The following STAM variants were observed in gnomAD, a reference collection of about 807,000 sequenced individuals.
STAM encodes signal transducing adapter molecule 1.
Under a neutral mutation model 63.4 loss-of-function variants are expected in STAM, and 16 were observed. The ratio of observed to expected loss-of-function variants is 0.25; its 90% CI spans 0.17 to 0.38. The LOEUF is 0.38. Among genes scored for constraint, STAM ranks in the 10% least tolerant of loss-of-function variants. The pLI, the probability that STAM is intolerant of heterozygous loss-of-function variation, is 1.00. For missense variants in STAM, 636 were observed against 657.1 expected, an observed-to-expected ratio of 0.97 and a Z score of 0.35; for synonymous variants, 238 against 223.9, an observed-to-expected ratio of 1.06 and a Z score of -0.56.
At chr10:17,691,143 A>G (rs781649115) in intron 5 of STAM, among the ~76,000 whole-genome samples, 1 of 152,212 alleles carries the variant, frequency 6.6e-6, no homozygotes, top group Non-Finnish European at 1.5e-5. Flanking sequence ...GAAAATTGCA[A>G]CTAGAGATAG....
chr10:17,663,284 A>G (rs1834246351), intron 2 of STAM, among the ~76,000 whole-genome samples: 1 of 149,144 alleles, frequency 6.7e-6, no homozygotes, highest in Admixed American at 6.8e-5. Context: ...ATAGCTTTAA[A>G]AATATTTTTT....
intron 2 of STAM, among the ~76,000 whole-genome samples, chr10:17,677,185 A>G (rs1834891804): frequency 6.6e-6 from 1 of 152,162 alleles, no homozygotes; most frequent in South Asian, 2.1e-4. Flanking sequence ...GGTTTTTACA[A>G]TTGGCTGTGG....
At chr10:17,706,572 G>A (rs1227277205) in intron 12 of STAM, among the ~76,000 whole-genome samples, 1 of 151,808 alleles carries the variant, frequency 6.6e-6, no homozygotes, top group African/African-American at 2.4e-5. Context: ...GTAGAGACGG[G>A]GTTTCGCCGT....
At chr10:17,681,761 A>G (rs1382648997) in intron 2 of STAM, among the ~76,000 whole-genome samples, 1 of 152,372 alleles carries the variant, frequency 6.6e-6, no homozygotes, top group South Asian at 2.1e-4. Context: ...GTTAGTGCCT[A>G]TTACTGCCTG....
At chr10:17,660,790 A>G (rs994678529) in intron 2 of STAM, among the ~76,000 whole-genome samples, 4 of 152,204 alleles carry the variant, frequency 2.6e-5, no homozygotes, top group African/African-American at 7.2e-5. Flanking sequence ...GAGGTAAAGT[A>G]TATTAGCATT....
chr10:17,695,584 A>C (rs1437414070), intron 7 of STAM: 1 of 172,906 alleles, frequency 5.8e-6, no homozygotes, highest in African/African-American at 2.4e-5. Context: ...ATTTGTAAGA[A>C]ATATATAATC....
At chr10:17,686,826 A>G (rs1269121136) in intron 4 of STAM, among the ~76,000 whole-genome samples, 1 of 152,250 alleles carries the variant, frequency 6.6e-6, no homozygotes, top group Non-Finnish European at 1.5e-5. Context: ...CTTCTAATAG[A>G]GTAATCTAAA....
chr10:17,703,772 A>T (rs999564044), intron 9 of STAM, among the ~76,000 whole-genome samples: 4 of 152,038 alleles, frequency 2.6e-5, no homozygotes, highest in Non-Finnish European at 5.9e-5. Flanking sequence ...TTTATGACCA[A>T]CTGAAACACT....
intron 1 of STAM, among the ~76,000 whole-genome samples, chr10:17,657,165 C>T (rs1166336252): frequency 2.0e-5 from 3 of 152,150 alleles, no homozygotes; most frequent in African/African-American, 4.8e-5. Flanking sequence ...TTGGAGCCCC[C>T]TTTTTTGCTT....
At chr10:17,654,923 A>G (rs985779239) in intron 1 of STAM, among the ~76,000 whole-genome samples, 2 of 152,202 alleles carry the variant, frequency 1.3e-5, no homozygotes, top group Non-Finnish European at 2.9e-5. Context: ...ATTTTCACAA[A>G]GTAGTCTGTA....
intron 2 of STAM, among the ~76,000 whole-genome samples, chr10:17,678,766 C>A (rs1413707530): frequency 6.6e-6 from 1 of 152,108 alleles, no homozygotes; most frequent in Non-Finnish European, 1.5e-5. Flanking sequence ...AACTCTACAC[C>A]TTTGAAATAA....
intron 1 of STAM, among the ~76,000 whole-genome samples, chr10:17,660,192 G>C (rs1834107455): frequency 6.6e-6 from 1 of 152,112 alleles, no homozygotes; most frequent in Non-Finnish European, 1.5e-5. Context: ...GATGGTGGTA[G>C]ACCTATATAT....
At position 17,658,302 on chromosome 10, in the gene STAM, A is replaced by G. The variant is rs191570301; in HGVS notation, c.41-2162A>G. Among the ~76,000 whole-genome samples the G allele has an allele frequency of 3.9e-3, 585 of 151,774 alleles. 3 individuals are homozygous for G. The highest frequency in any genetic ancestry group is 0.013 in the African/African-American group (558 of 41,398). ...TCTAGTTTATTCCATTGTAATCACT[A>G]TGTGATTTCTATTGTTTTAGATTTG... On this transcript the variant is annotated intron_variant, in intron 1 of 13. Transcript: ENST00000377524.
chr10:17,660,672 G>A, intron 2 of STAM, 124 bp downstream of exon 2: 1 of 622,736 alleles, frequency 1.6e-6, no homozygotes, highest in Non-Finnish European at 2.7e-6. Context: ...GATCGCTTGA[G>A]CCCAGGAGTT....
In STAM at chr10:17,644,274, A is replaced by G. The variant is rs997101533; in HGVS notation, c.-66A>G. The G allele has an allele frequency of 1.6e-5, 25 of 1,574,616 alleles. No individual in the cohort carries two copies. The highest frequency in any genetic ancestry group is 9.0e-5 in the East Asian group (4 of 44,672). ...TTTTGCCTGAGGAGTCTTCCATCCT[A>G]CGTCGAGCTCTGACTCCCGTGCTGT... On this transcript the variant is annotated 5_prime_UTR_variant, in exon 1 of 14. Transcript: ENST00000377524.
chr10:17,671,282 T>G (rs190214248), intron 2 of STAM, among the ~76,000 whole-genome samples: 3 of 152,328 alleles, frequency 2.0e-5, no homozygotes, highest in Non-Finnish European at 2.9e-5. Flanking sequence ...ATGTAATGTT[T>G]AAATCACTCT....
rs1836742770 is a variant in STAM at position 17,714,886 on chromosome 10, C to G, written c.*106C>G. The G allele has an allele frequency of 1.8e-6, 2 of 1,111,998 alleles. No homozygotes were observed. Among genetic ancestry groups the G allele is most frequent in the African/African-American group, 1.5e-5 (1 of 64,806 alleles). 68.9% of individuals were successfully genotyped at this position (1,111,998 alleles called of 1,614,324 possible). On this transcript the variant is annotated 3_prime_UTR_variant, in exon 14 of 14. Transcript: ENST00000377524. The stretch of plus-strand genomic sequence containing the variant: ...GTTTATCCTCAGCTTATAGGAATCT[C>G]TCCAGGTCAACAGGTTCAAATATTC...
At chr10:17,695,353 T>A (rs1835713347) in intron 7 of STAM, 112 bp downstream of exon 7, 2 of 1,010,028 alleles carry the variant, frequency 2.0e-6, no homozygotes, top group Non-Finnish European at 2.8e-6. Flanking sequence ...TTGACCCAGA[T>A]GCTGCTCTGT....
At chr10:17,698,445 G>T (rs1835855283) in intron 8 of STAM, among the ~76,000 whole-genome samples, 1 of 150,264 alleles carries the variant, frequency 6.7e-6, no homozygotes, top group African/African-American at 2.5e-5. Flanking sequence ...AAGTCATATA[G>T]CAATGCAGCT....
Sources: allele counts gnomAD v4.1 joint callset (sites outside exome capture counted in the v4.1 genomes callset), GRCh38; gene constraint gnomAD v4.1.1; transcripts MANE v1.5; gene names NCBI Gene and HGNC (gene_info 2026-07-23, HGNC 2026-07-21).